DNAJB6: variants seen among roughly 807,000 people sequenced by gnomAD.
DNAJB6 encodes the protein dnaJ homolog subfamily B member 6.
In DNAJB6, 16 loss-of-function variants were observed where a neutral mutation model predicts 42.7. The observed-to-expected ratio is 0.37, with a 90% CI of 0.25 to 0.57. DNAJB6 has a LOEUF of 0.57. Among genes scored for constraint, DNAJB6 ranks in the 20% least tolerant of loss-of-function variants. The pLI is 0.74. For synonymous variants in DNAJB6, 170 were observed against 163.5 expected (o/e 1.04, Z -0.30); for missense variants, 347 against 416.8 (o/e 0.83, Z 1.46).
intron 1 of DNAJB6, among the ~76,000 whole-genome samples, chr7:157,350,341 A>G (rs1256067536): frequency 6.6e-6 from 1 of 152,212 alleles, no homozygotes; most frequent in East Asian, 1.9e-4. Context: ...ACTTGCCAAG[A>G]TAAAGCCCCC....
At chr7:157,409,047 A>G (rs1044051714) in intron 8 of DNAJB6, among the ~76,000 whole-genome samples, 1 of 152,166 alleles carries the variant, frequency 6.6e-6, no homozygotes, top group African/African-American at 2.4e-5. Context: ...AGTGATTGCC[A>G]CTCAAACTTT....
intron 1 of DNAJB6, among the ~76,000 whole-genome samples, chr7:157,354,572 C>A (rs1466156020): frequency 1.3e-5 from 2 of 152,052 alleles, no homozygotes; most frequent in Non-Finnish European, 2.9e-5. Flanking sequence ...CTCCTGGGCT[C>A]AAGGAGTCCT....
At chr7:157,403,182 G>T (rs1031980066) in intron 8 of DNAJB6, among the ~76,000 whole-genome samples, 6 of 152,198 alleles carry the variant, frequency 3.9e-5, no homozygotes, top group African/African-American at 1.4e-4. Context: ...TCTCTGATCA[G>T]CCTTTCACTG....
chr7:157,355,940 T>A (rs1035652258), intron 1 of DNAJB6, among the ~76,000 whole-genome samples: 5 of 152,234 alleles, frequency 3.3e-5, no homozygotes, highest in African/African-American at 9.6e-5. Flanking sequence ...ACCCACGTTC[T>A]CACCTCTGTG....
At chr7:157,387,887 C>A (rs1363907540) in intron 8 of DNAJB6, among the ~76,000 whole-genome samples, 1 of 152,104 alleles carries the variant, frequency 6.6e-6, no homozygotes, top group Non-Finnish European at 1.5e-5. Context: ...GCTCTGTCAT[C>A]CAGGCTGGAG....
At chr7:157,351,731 A>G (rs770271164) in intron 1 of DNAJB6, among the ~76,000 whole-genome samples, 18 of 152,310 alleles carry the variant, frequency 1.2e-4, no homozygotes, top group African/African-American at 3.4e-4. Flanking sequence ...TGGTAGGCCA[A>G]GGTGGACAGA....
At chr7:157,364,353 C>T (rs1330287329) in intron 3 of DNAJB6, among the ~76,000 whole-genome samples, 1 of 152,066 alleles carries the variant, frequency 6.6e-6, no homozygotes, top group African/African-American at 2.4e-5. Flanking sequence ...CATTTTACTT[C>T]AAAAAATATG....
intron 2 of DNAJB6, among the ~76,000 whole-genome samples, chr7:157,359,143 C>T (rs750278648): frequency 1.1e-4 from 16 of 152,262 alleles, no homozygotes; most frequent in East Asian, 3.9e-4. Context: ...AAGGCTCTCA[C>T]GGTAACCTTA....
chr7:157,387,701 A>C (rs1426558791), intron 8 of DNAJB6, among the ~76,000 whole-genome samples: 1 of 152,248 alleles, frequency 6.6e-6, no homozygotes, highest in African/African-American at 2.4e-5. Context: ...TGTTTCATGC[A>C]ACTCTAGCTG....
chr7:157,367,901 T>C (rs1009144111), intron 5 of DNAJB6, among the ~76,000 whole-genome samples: 4 of 151,948 alleles, frequency 2.6e-5, no homozygotes, highest in Non-Finnish European at 5.9e-5. Flanking sequence ...CACGAAACTT[T>C]GTGTTTAAAG....
rs1178667990 is a variant in DNAJB6, at chr7:157,416,957, A to T, written c.*859A>T. ...CACTTCATTCTAACTAGATGCGCCC[A>T]CTTCCGGTCATTATTTCGTTTGCAT... On this transcript the variant is annotated 3_prime_UTR_variant, in exon 10 of 10. Transcript: ENST00000262177. The T allele has an allele frequency of 6.6e-6, 1 of 152,148 alleles. No homozygotes were observed. The highest frequency in any genetic ancestry group is 2.4e-5 in the African/African-American group (1 of 41,430). 9.4% of individuals were successfully genotyped at this position (152,148 alleles called of 1,614,324 possible).
chr7:157,395,863 C>T (rs1304325452), intron 8 of DNAJB6, among the ~76,000 whole-genome samples: 1 of 151,570 alleles, frequency 6.6e-6, no homozygotes. Flanking sequence ...ACTCTGTTGG[C>T]CAGGCTGGTC....
intron 5 of DNAJB6, chr7:157,369,233 C>T (rs1799992814): frequency 2.2e-6 from 1 of 455,840 alleles, no homozygotes; most frequent in Non-Finnish European, 4.4e-6. Flanking sequence ...TTACATCCGT[C>T]CTTCATCAAC....
At chr7:157,337,822 C>T (rs759841270) in intron 1 of DNAJB6, 2 of 152,256 alleles carry the variant, frequency 1.3e-5, no homozygotes, top group Non-Finnish European at 2.9e-5. Flanking sequence ...GTCAGTGACA[C>T]ACGCAGTGTA....
At chr7:157,367,781 C>T (rs1799915579) in intron 5 of DNAJB6, among the ~76,000 whole-genome samples, 1 of 150,336 alleles carries the variant, frequency 6.7e-6, no homozygotes, top group South Asian at 2.1e-4. Context: ...ATCACTTGAA[C>T]CCGGGAGGCA....
chr7:157,369,247 C>A, intron 5 of DNAJB6: 1 of 456,538 alleles, frequency 2.2e-6, no homozygotes, highest in South Asian at 1.5e-5. Flanking sequence ...CATCAACCCT[C>A]ACAGGCAAGA....
chr7:157,342,066 C>T (rs1798419096), intron 1 of DNAJB6, among the ~76,000 whole-genome samples: 1 of 152,132 alleles, frequency 6.6e-6, no homozygotes, highest in African/African-American at 2.4e-5. Flanking sequence ...TGGGTTTTGC[C>T]ATGTTGGCCA....
At chr7:157,347,246 A>G (rs1309257397) in intron 1 of DNAJB6, among the ~76,000 whole-genome samples, 1 of 152,248 alleles carries the variant, frequency 6.6e-6, no homozygotes, top group African/African-American at 2.4e-5. Context: ...ATGAAAACTA[A>G]AAAGGTAATT....
chr7:157,365,492 GC>G (rs1296144012), intron 3 of DNAJB6, among the ~76,000 whole-genome samples: 1 of 152,150 alleles, frequency 6.6e-6, no homozygotes, highest in African/African-American at 2.4e-5. Context: ...ACTTGCCTAG[GC>G]CCTGGCATGT....
Sources: gnomAD v4.1 joint callset for allele counts (sites outside exome capture counted in the v4.1 genomes callset) on GRCh38, gnomAD v4.1.1 for gene constraint, MANE v1.5 for transcripts, NCBI Gene and HGNC (gene_info 2026-07-23, HGNC 2026-07-21) for gene names.